The following THRB variants were observed in gnomAD, a reference collection of about 807,000 sequenced individuals.
THRB encodes the protein nuclear receptor subfamily 1 group A member 2.
THRB carries 12 observed loss-of-function variants against 47.8 expected under a neutral mutation model. The ratio of observed to expected loss-of-function variants is 0.25; its 90% confidence interval spans 0.16 to 0.41. THRB has a LOEUF of 0.41. Ranked by LOEUF, THRB falls within the 10% of genes least tolerant of loss-of-function variation. THRB has a pLI of 1.00. For missense variants in THRB, 348 were observed against 589.2 expected (o/e 0.59, Z 4.24); for synonymous variants, 218 against 212.2 (o/e 1.03, Z -0.24).
At chr3:24,374,861 A>T (rs1464435278) in intron 1 of THRB, among the ~76,000 whole-genome samples, 1 of 152,066 alleles carries the variant, frequency 6.6e-6, no homozygotes, top group Non-Finnish European at 1.5e-5. Context: ...AATCCTTACT[A>T]AAAAATGCAG....
At chr3:24,447,188 T>C (rs945361700) in intron 1 of THRB, among the ~76,000 whole-genome samples, 34 of 152,360 alleles carry the variant, frequency 2.2e-4, no homozygotes, top group African/African-American at 7.9e-4. Flanking sequence ...AGAGCAGTTA[T>C]GCATTTATTT....
At position 24,427,420 on chromosome 3, in the gene THRB, T is replaced by C. The variant is rs564781326; in HGVS notation, c.-261+67232A>G. On this transcript the variant is annotated intron_variant, in intron 1 of 10. Transcript: ENST00000646209. ...ACTGAAGTTGGATCTGTGACTGAGG[T>C]AAACCTCTCCCTTCCAGCTAGTAAC... Among the ~76,000 whole-genome samples the C allele has an allele frequency of 1.6e-4, 24 of 152,032 alleles. 1 individual carries two copies. In the South Asian group the frequency reaches 3.3e-3, roughly 21 times the overall value.
At chr3:24,469,371 A>T (rs1432676511) in intron 1 of THRB, among the ~76,000 whole-genome samples, 1 of 152,152 alleles carries the variant, frequency 6.6e-6, no homozygotes, top group Non-Finnish European at 1.5e-5. Context: ...TATGCACAGG[A>T]GCCACCCAGG....
Position 24,293,905 on chromosome 3 carries a change from C to A in THRB, c.-43+3321G>T, listed in dbSNP as rs1505304. Reference sequence around the variant, plus strand: ...TGTTTTCCTTCAGAGTCTGAAAATGCCTGGTACTTGGATTTCCAGTGTGGT... The same window carrying A: ...TGTTTTCCTTCAGAGTCTGAAAATGACTGGTACTTGGATTTCCAGTGTGGT... On this transcript the variant is annotated intron_variant, in intron 3 of 10. Coordinates refer to ENST00000646209, the MANE Select transcript of THRB (RefSeq NM_001354712.2). Among the ~76,000 whole-genome samples, 418 of 152,290 alleles carry A rather than the reference C, an allele frequency of 2.7e-3. 1 individual carries two copies. The highest frequency in any genetic ancestry group is 5.1e-3 in the Admixed American group (78 of 15,298).
intron 1 of THRB, among the ~76,000 whole-genome samples, chr3:24,366,572 T>A (rs959709023): frequency 2.0e-5 from 3 of 152,124 alleles, no homozygotes; most frequent in Non-Finnish European, 2.9e-5. Flanking sequence ...TCATCAGGTT[T>A]TCTGATTTCA....
At chr3:24,174,777 C>A (rs2040917587) in intron 5 of THRB, among the ~76,000 whole-genome samples, 1 of 152,172 alleles carries the variant, frequency 6.6e-6, no homozygotes, top group Non-Finnish European at 1.5e-5. Context: ...TAGATTATAT[C>A]ATTTAAGCCT....
At chr3:24,414,274 G>A (rs762980944) in intron 1 of THRB, among the ~76,000 whole-genome samples, 1 of 151,886 alleles carries the variant, frequency 6.6e-6, no homozygotes, top group African/African-American at 2.4e-5. Flanking sequence ...TATTAATTCA[G>A]AAGATGGTAA....
chr3:24,151,387 G>C (rs2149091380), intron 6 of THRB, among the ~76,000 whole-genome samples: 1 of 152,276 alleles, frequency 6.6e-6, no homozygotes, highest in African/African-American at 2.4e-5. Flanking sequence ...AGAAGCGGAA[G>C]AAGAGAAAAA....
At chr3:24,422,559 A>G (rs1265904323) in intron 1 of THRB, among the ~76,000 whole-genome samples, 1 of 151,956 alleles carries the variant, frequency 6.6e-6, no homozygotes, top group African/African-American at 2.4e-5. Flanking sequence ...TCCTCCTCAG[A>G]TGAAAGCTTA....
intron 3 of THRB, among the ~76,000 whole-genome samples, chr3:24,280,850 A>G (rs1472103895): frequency 6.6e-6 from 1 of 152,144 alleles, no homozygotes. Context: ...ATGGAAGATG[A>G]AATGAATGAA....
At chr3:24,128,863 C>CTTTTATTTTTTTTTTTTTTTTTT (rs2033359562) in intron 9 of THRB, among the ~76,000 whole-genome samples, 1 of 87,042 alleles carries the variant, frequency 1.1e-5, no homozygotes, top group African/African-American at 3.4e-5. Context: ...AAACATAACT[C>CTTTTATTTTTTTTTTTTTTTTTT]TTTTTTTTTT....
At chr3:24,224,076 A>G (rs1380372049) in intron 4 of THRB, among the ~76,000 whole-genome samples, 2 of 152,218 alleles carry the variant, frequency 1.3e-5, no homozygotes, top group Non-Finnish European at 2.9e-5. Flanking sequence ...GGATGTCTCA[A>G]TTGGTCCAAT....
chr3:24,228,910 CAAAG>C (rs759408356), intron 4 of THRB, 24 bp downstream of exon 4: 3 of 1,590,500 alleles, frequency 1.9e-6, no homozygotes, highest in Non-Finnish European at 2.6e-6. Context: ...TGGAGGCACA[CAAAG>C]AAAATGTAAA....
intron 1 of THRB, among the ~76,000 whole-genome samples, chr3:24,433,559 A>G (rs1483802196): frequency 1.3e-5 from 2 of 152,156 alleles, no homozygotes; most frequent in Admixed American, 6.6e-5. Flanking sequence ...TGTGAAACTC[A>G]TTTCTGACGT....
chr3:24,341,456 A>C (rs1434826272), intron 1 of THRB, among the ~76,000 whole-genome samples: 3 of 151,654 alleles, frequency 2.0e-5, no homozygotes, highest in Admixed American at 6.6e-5. Context: ...CTGGTCTCGA[A>C]CTCCTGAGCT....
intron 5 of THRB, among the ~76,000 whole-genome samples, chr3:24,168,432 T>C (rs1013352408): frequency 6.6e-6 from 1 of 151,060 alleles, no homozygotes; most frequent in African/African-American, 2.4e-5. Flanking sequence ...TGCATCCAAC[T>C]GCCTTAAATA....
intron 1 of THRB, among the ~76,000 whole-genome samples, chr3:24,343,633 T>A (rs2062825505): frequency 6.6e-6 from 1 of 152,030 alleles, no homozygotes; most frequent in African/African-American, 2.4e-5. Context: ...TCACTGCCCA[T>A]CTCCCATGTT....
chr3:24,412,116 C>T (rs1360703941), intron 1 of THRB, among the ~76,000 whole-genome samples: 2 of 151,742 alleles, frequency 1.3e-5, no homozygotes, highest in South Asian at 2.1e-4. Context: ...TAATTTATAG[C>T]AATAAAGGCT....
rs886058292 is a variant in THRB, at chr3:24,190,175, G to T, written c.182C>A (p.Thr61Asn). 4 of 1,614,132 alleles carry T rather than the reference G, an allele frequency of 2.5e-6. No individual in the cohort carries two copies. Among genetic ancestry groups the T allele is most frequent in the Non-Finnish European group, 3.4e-6 (4 of 1,179,988 alleles). The change falls in exon 5 of 11, where the codon ACC becomes AAC. Residue 61 changes from threonine to asparagine, a missense_variant. Coordinates refer to ENST00000646209, the MANE Select transcript of THRB (RefSeq NM_001354712.2). ...NEQSSPHLIQTTWTSSIFHLD... is the reference protein window; with the variant it reads ...NEQSSPHLIQNTWTSSIFHLD... The stretch of plus-strand genomic sequence containing the variant: ...ATGGAATATTGAGCTAGTCCAAGTG[G>T]TCTGGATGAGATGTGGCGACGACTG...
Sources: allele counts gnomAD v4.1 joint callset (sites outside exome capture counted in the v4.1 genomes callset), GRCh38; gene constraint gnomAD v4.1.1; transcripts MANE v1.5; gene names NCBI Gene and HGNC (gene_info 2026-07-23, HGNC 2026-07-21).